Variants in BCAS3 observed in about 807,000 individuals in gnomAD.
BCAS3 encodes BCAS3 microtubule associated cell migration factor, also known as BCAS4/BCAS3 fusion.
A neutral mutation model predicts 116.1 loss-of-function variants in BCAS3; 53 were observed. That is an observed-to-expected ratio of 0.46 (90% CI 0.37 to 0.57). The LOEUF (loss-of-function observed/expected upper bound fraction) is 0.57. Ranked by LOEUF, BCAS3 falls within the 20% of genes least tolerant of loss-of-function variation. The pLI is 0.00. For missense variants in BCAS3, 917 were observed against 1,165.4 expected, an observed-to-expected ratio of 0.79 and a Z score of 3.10; for synonymous variants, 391 against 408.2, an observed-to-expected ratio of 0.96 and a Z score of 0.51.
At chr17:61,297,652 T>C (rs2053048263) in intron 22 of BCAS3, among the ~76,000 whole-genome samples, 1 of 151,562 alleles carries the variant, frequency 6.6e-6, no homozygotes, top group Non-Finnish European at 1.5e-5. Context: ...TGAAGGGAGG[T>C]CAGTGTGATG....
chr17:61,334,664 C>CAAAAAAAAAAAAAAAAAAAAAAAAAAA (rs35400660), intron 22 of BCAS3, among the ~76,000 whole-genome samples: 1 of 50,892 alleles, frequency 2.0e-5, no homozygotes, highest in Non-Finnish European at 3.9e-5. Flanking sequence ...AACTCCATCT[C>CAAAAAAAAAAAAAAAAAAAAAAAAAAA]AAAAAAAAAA....
In BCAS3 at chr17:61,087,730, G is replaced by A. The variant is rs975131798; in HGVS notation, c.2425+3166G>A. On this transcript the variant is annotated intron_variant, in intron 22 of 23. Coordinates refer to ENST00000407086, the MANE Select transcript of BCAS3 (RefSeq NM_017679.5). This position sits in a 1 kb window ranked among gnomAD's most constrained non-coding sequence, Gnocchi z 4.6. ...TATTAACTTCAGTGATTTAAGCACC[G>A]GGTAAATTCTATGCCTTTAGACACC... Among the ~76,000 whole-genome samples the A allele has an allele frequency of 2.6e-5, 4 of 152,096 alleles. No homozygotes were observed. Among genetic ancestry groups the A allele is most frequent in the South Asian group, 2.1e-4 (1 of 4,812 alleles).
chr17:60,825,551 TATA>T (rs1208356514), intron 7 of BCAS3, among the ~76,000 whole-genome samples: 3 of 140,584 alleles, frequency 2.1e-5, no homozygotes, highest in Non-Finnish European at 3.1e-5. Context: ...AATAATTATT[TATA>T]ATAATTTATA....
intron 14 of BCAS3, 122 bp from the exon 15 acceptor site, chr17:60,989,849 T>C: frequency 1.9e-6 from 2 of 1,071,840 alleles, no homozygotes; most frequent in Admixed American, 2.4e-5. Flanking sequence ...ATTTATTACC[T>C]GATCTTAGGT....
At chr17:61,291,109 G>A (rs2052365733) in intron 22 of BCAS3, among the ~76,000 whole-genome samples, 2 of 152,100 alleles carry the variant, frequency 1.3e-5, no homozygotes, top group Non-Finnish European at 2.9e-5. Flanking sequence ...AAGCACTGGC[G>A]AACCAAGTCC....
intron 23 of BCAS3, among the ~76,000 whole-genome samples, chr17:61,371,722 A>T (rs778546567): frequency 2.9e-4 from 44 of 152,244 alleles, no homozygotes; most frequent in African/African-American, 7.0e-4. Flanking sequence ...AAAAATATAT[A>T]TTTTTTTAAA....
chr17:60,762,909 C>T (rs1053864235), intron 6 of BCAS3, among the ~76,000 whole-genome samples: 7 of 151,578 alleles, frequency 4.6e-5, no homozygotes, highest in Admixed American at 6.6e-5. Flanking sequence ...TGAAGAGGTC[C>T]TTCACGTCCC....
At chr17:61,076,127 T>G (rs2071961109) in intron 20 of BCAS3, among the ~76,000 whole-genome samples, 1 of 152,172 alleles carries the variant, frequency 6.6e-6, no homozygotes, top group Non-Finnish European at 1.5e-5. Context: ...GGCTTTGAAA[T>G]AAAAGATACT....
rs2080939612 is a variant in BCAS3 at position 61,203,180 on chromosome 17, A to G, written c.2425+118616A>G. On this transcript the variant is annotated intron_variant, in intron 22 of 23. Coordinates refer to ENST00000407086, the MANE Select transcript of BCAS3 (RefSeq NM_017679.5). The surrounding 1 kb of genome is among the most constrained non-coding windows in gnomAD (Gnocchi z 5.7). ...CTCTTTTATTCTTCTTTTTTTCGAG[A>G]CAGTTTCACTCTTGTCACTCAGGCT... 6.6e-6 allele frequency among the ~76,000 whole-genome samples: 1 copy of G among 151,678 alleles called. No individual in the cohort carries two copies. The highest frequency in any genetic ancestry group is 1.5e-5 in the Non-Finnish European group (1 of 67,908).
chr17:61,031,233 A>G (rs1248365818), intron 16 of BCAS3, among the ~76,000 whole-genome samples: 1 of 152,076 alleles, frequency 6.6e-6, no homozygotes, highest in Non-Finnish European at 1.5e-5. Flanking sequence ...TGGGTCAGCA[A>G]TCTGTAAATT....
rs532294405 is a variant in BCAS3, at chr17:61,243,955, T to G, written c.2426-124372T>G. On this transcript the variant is annotated intron_variant, in intron 22 of 23. Coordinates refer to ENST00000407086, the MANE Select transcript of BCAS3 (RefSeq NM_017679.5). This position sits in a 1 kb window ranked among gnomAD's most constrained non-coding sequence, Gnocchi z 5.6. ...TGTGCACTACCACAACCTGCTAATT[T>G]TTTAAGTTTTTTTTTTCAAGAGACA... Among the ~76,000 whole-genome samples, 1 of 152,206 alleles carries G rather than the reference T, an allele frequency of 6.6e-6. No individual in the cohort carries two copies. The highest frequency in any genetic ancestry group is 1.9e-4 in the East Asian group (1 of 5,180).
intron 2 of BCAS3, among the ~76,000 whole-genome samples, chr17:60,683,642 G>A (rs961544543): frequency 6.7e-6 from 1 of 148,512 alleles, no homozygotes; most frequent in Non-Finnish European, 1.5e-5. Flanking sequence ...CACCAGCCTG[G>A]GCAACATGGT....
At position 61,083,688 on chromosome 17, in the gene BCAS3, T is replaced by C. The variant is rs1406328699; in HGVS notation, c.2328-779T>C. On this transcript the variant is annotated intron_variant, in intron 21 of 23. Transcript: ENST00000407086. This position sits in a 1 kb window ranked among gnomAD's most constrained non-coding sequence, Gnocchi z 4.9. ...TTGGCTCATTGCAACCTCTGGTTTT[T>C]GGGTTCCAGCAGTTCTCCTGCCTCA... Among the ~76,000 whole-genome samples the C allele has an allele frequency of 6.6e-6, 1 of 151,918 alleles. No individual in the cohort carries two copies. Among genetic ancestry groups the C allele is most frequent in the African/African-American group, 2.4e-5 (1 of 41,328 alleles).
intron 5 of BCAS3, among the ~76,000 whole-genome samples, chr17:60,745,471 T>G (rs2041946104): frequency 6.6e-6 from 1 of 152,050 alleles, no homozygotes; most frequent in African/African-American, 2.4e-5. Context: ...ATATATATGC[T>G]TAAAATAAAA....
chr17:61,350,485 A>G (rs1249500925), intron 22 of BCAS3, among the ~76,000 whole-genome samples: 4 of 152,024 alleles, frequency 2.6e-5, no homozygotes, highest in Non-Finnish European at 4.4e-5. Context: ...AGGTATGCCC[A>G]AAGGGACTTA....
chr17:60,796,175 T>A (rs1329014155), intron 6 of BCAS3, among the ~76,000 whole-genome samples: 1 of 152,200 alleles, frequency 6.6e-6, no homozygotes, highest in Non-Finnish European at 1.5e-5. Context: ...ATCAAGGGCA[T>A]GGGTCTGTAA....
chr17:61,051,752 C>G lies in BCAS3; in HGVS notation c.2029+10860C>G, dbSNP rs1268930446. Among the ~76,000 whole-genome samples the G allele has an allele frequency of 6.6e-6, 1 of 152,112 alleles. No individual in the cohort carries two copies. Among genetic ancestry groups the G allele is most frequent in the Admixed American group, 6.5e-5 (1 of 15,268 alleles). Reference sequence around the variant, plus strand: ...ACCTGGGACTATAGGCTCGCACCATCATGCCTGGCTAATTCAAAATAAAAA... The same window carrying G: ...ACCTGGGACTATAGGCTCGCACCATGATGCCTGGCTAATTCAAAATAAAAA... On this transcript the variant is annotated intron_variant, in intron 19 of 23. Coordinates refer to ENST00000407086, the MANE Select transcript of BCAS3 (RefSeq NM_017679.5). The surrounding 1 kb of genome is among the most constrained non-coding windows in gnomAD (Gnocchi z 4.1).
At chr17:60,713,103 T>C (rs755797976) in intron 5 of BCAS3, among the ~76,000 whole-genome samples, 1 of 152,140 alleles carries the variant, frequency 6.6e-6, no homozygotes, top group Non-Finnish European at 1.5e-5. Flanking sequence ...GAAAGGGAAC[T>C]TGAGAGAGTC....
Position 61,126,203 on chromosome 17 carries a change from C to T in BCAS3, c.2425+41639C>T, listed in dbSNP as rs1300727960. Among the ~76,000 whole-genome samples, 1 of 152,032 alleles carries T rather than the reference C, an allele frequency of 6.6e-6. No individual in the cohort carries two copies. The highest frequency in any genetic ancestry group is 2.1e-4 in the South Asian group (1 of 4,824). ...CCAAGGGTGAGAATTTTTCCTTGCCCGTTGTGAGCAGTTTAATTCATTAGA... is the reference window on the plus strand; with the variant it reads ...CCAAGGGTGAGAATTTTTCCTTGCCTGTTGTGAGCAGTTTAATTCATTAGA... On this transcript the variant is annotated intron_variant, in intron 22 of 23. Transcript: ENST00000407086. This position sits in a 1 kb window ranked among gnomAD's most constrained non-coding sequence, Gnocchi z 4.6.
Sources: allele counts gnomAD v4.1 joint callset (sites outside exome capture counted in the v4.1 genomes callset), GRCh38; gene constraint gnomAD v4.1.1; non-coding constraint Gnocchi (gnomAD v3.1); transcripts MANE v1.5; gene names NCBI Gene and HGNC (gene_info 2026-07-23, HGNC 2026-07-21).